Variants in KANK1 observed in about 807,000 individuals in gnomAD.
KANK1 encodes the protein KN motif and ankyrin repeat domain-containing protein 1.
In KANK1, 109 loss-of-function variants were observed where a neutral mutation model predicts 106.2. That is an observed-to-expected ratio of 1.03 (90% CI 0.88 to 1.20). The LOEUF (loss-of-function observed/expected upper bound fraction) is 1.20, where lower values mean the gene tolerates loss of function less well. KANK1 is among the 50% of genes most tolerant of loss of function. KANK1 has a pLI of 0.00. For synonymous variants in KANK1, 873 were observed against 652.2 expected, an observed-to-expected ratio of 1.34 and a Z score of -5.16; for missense variants, 2,399 against 1,710.7, an observed-to-expected ratio of 1.40 and a Z score of -7.10.
intron 2 of KANK1, chr9:680,856 C>G (rs1817412913): frequency 6.6e-6 from 1 of 152,338 alleles, no homozygotes. Flanking sequence ...CGTAGTGTTA[C>G]CTCTTTTTCA....
upstream of KANK1, among the ~76,000 whole-genome samples, chr9:500,578 T>C (rs566150623): frequency 6.6e-6 from 1 of 152,264 alleles, no homozygotes; most frequent in South Asian, 2.1e-4. Context: ...AGTGAAACTT[T>C]GTTTGCTCCA....
At chr9:741,000 A>C in intron 9 of KANK1, 66 bp downstream of exon 9, 2 of 1,574,338 alleles carry the variant, frequency 1.3e-6, no homozygotes, top group South Asian at 1.2e-5. Context: ...TGCGGTGGCC[A>C]TTCTGGCAGA....
upstream of KANK1, among the ~76,000 whole-genome samples, chr9:502,843 A>AT (rs767256624): frequency 6.4e-4 from 97 of 151,540 alleles, no homozygotes; most frequent in Middle Eastern, 3.5e-3. Context: ...CTATTTATTT[A>AT]TTTATTTTTG....
chr9:619,508 C>A (rs1249650960), intron 1 of KANK1, among the ~76,000 whole-genome samples: 5 of 152,112 alleles, frequency 3.3e-5, no homozygotes. Context: ...GAAGAGCCAA[C>A]ATTAGTTCAG....
Position 586,598 on chromosome 9 carries a change from A to G in KANK1, c.-84+81844A>G, listed in dbSNP as rs527933751. On this transcript the variant is annotated intron_variant, in intron 1 of 11. Transcript: ENST00000382297. Reference sequence around the variant, plus strand: ...CATTAACAGTTTTAGGAGAAAAGCCATGTGTGTGTTATGGAGTGGTCTGAG... The same window carrying G: ...CATTAACAGTTTTAGGAGAAAAGCCGTGTGTGTGTTATGGAGTGGTCTGAG... Among the ~76,000 whole-genome samples the G allele has an allele frequency of 1.6e-4, 25 of 152,300 alleles. 2 individuals are homozygous for G. The highest frequency in any genetic ancestry group is 4.8e-4 in the African/African-American group (20 of 41,566).
intron 2 of KANK1, among the ~76,000 whole-genome samples, chr9:678,933 C>A (rs895823681): frequency 6.6e-6 from 1 of 152,120 alleles, no homozygotes; most frequent in Non-Finnish European, 1.5e-5. Context: ...AAGACCTCAA[C>A]CTTCTTCTGG....
At chr9:703,163 TG>T (rs1381110886) in intron 2 of KANK1, among the ~76,000 whole-genome samples, 2 of 152,136 alleles carry the variant, frequency 1.3e-5, no homozygotes, top group Non-Finnish European at 2.9e-5. Context: ...AGCTAATTTT[TG>T]TATTTTCAGT....
At chr9:742,084 A>G (rs1835738207) in intron 9 of KANK1, 121 bp from the exon 10 acceptor site, 5 of 834,318 alleles carry the variant, frequency 6.0e-6, no homozygotes, top group Admixed American at 2.2e-5. Flanking sequence ...AAGTAGTTCC[A>G]TCGCCAGTTC....
At chr9:563,925 CT>C (rs984503626) in intron 1 of KANK1, among the ~76,000 whole-genome samples, 2 of 152,244 alleles carry the variant, frequency 1.3e-5, no homozygotes, top group South Asian at 2.1e-4. Flanking sequence ...ATCACTGGTG[CT>C]TTTTTTCTTT....
chr9:493,826 C>T (rs576368717), intron 3 of KANK1, among the ~76,000 whole-genome samples: 2 of 151,956 alleles, frequency 1.3e-5, no homozygotes, highest in South Asian at 4.2e-4. Context: ...GGATTACAGG[C>T]ATGAGCCACC....
intron 3 of KANK1, among the ~76,000 whole-genome samples, chr9:723,170 G>C (rs1193828827): frequency 6.6e-6 from 1 of 152,160 alleles, no homozygotes; most frequent in Non-Finnish European, 1.5e-5. Flanking sequence ...ACAGAGTGGA[G>C]GAGTAGCTGA....
intron 1 of KANK1, chr9:674,275 A>G (rs11791986): frequency 0.18 from 27,890 of 151,838 alleles, 3,413 homozygotes; most frequent in East Asian, 0.34. Flanking sequence ...GAAACTAAGG[A>G]TCAGCAGGGA....
At position 604,054 on chromosome 9, in the gene KANK1, T is replaced by C. The variant is rs547837640; in HGVS notation, c.-83-72836T>C. Among the ~76,000 whole-genome samples the C allele has an allele frequency of 2.6e-5, 4 of 151,472 alleles. No homozygotes were observed. The South Asian group carries it at 8.3e-4, about 31-fold the overall frequency. ...TTCACTTTATGTTTGGGGAGGAGAA[T>C]GGAGTGTCAGTGATTTCAGCAAAAA... On this transcript the variant is annotated intron_variant, in intron 1 of 11. Transcript: ENST00000382297.
At chr9:585,142 C>A (rs932932666) in intron 1 of KANK1, among the ~76,000 whole-genome samples, 2 of 152,202 alleles carry the variant, frequency 1.3e-5, no homozygotes, top group African/African-American at 4.8e-5. Context: ...TGTCTTCTTC[C>A]ATGTCCCTTG....
intron 2 of KANK1, chr9:686,942 G>T (rs1049856496): frequency 8.1e-6 from 8 of 984,868 alleles, no homozygotes; most frequent in Non-Finnish European, 9.6e-6. Flanking sequence ...CTTAGGGCTG[G>T]GGGCTTTTCC....
rs181280222 is a variant in KANK1 at position 485,209 on chromosome 9, A to G, written c.-362+11936A>G. ...TTCAGGCCTGGCCAATCAGAGCATC[A>G]CATTCCTCTGATCCAGTGATAGATA... is the stretch of plus-strand genomic sequence containing the variant. On this transcript the variant is annotated intron_variant, in intron 3 of 15. Transcript: ENST00000382303. Among the ~76,000 whole-genome samples the G allele has an allele frequency of 1.9e-3, 286 of 152,348 alleles. 2 individuals are homozygous for G. The highest frequency in any genetic ancestry group is 6.7e-3 in the African/African-American group (277 of 41,596).
At chr9:540,854 T>C (rs1243485067) in intron 1 of KANK1, among the ~76,000 whole-genome samples, 1 of 152,200 alleles carries the variant, frequency 6.6e-6, no homozygotes, top group African/African-American at 2.4e-5. Flanking sequence ...ATTTTTGTGG[T>C]ATCAATTGTA....
At chr9:709,229 GA>G (rs1260014170) in intron 2 of KANK1, among the ~76,000 whole-genome samples, 1 of 152,208 alleles carries the variant, frequency 6.6e-6, no homozygotes, top group Admixed American at 6.5e-5. Context: ...CTGAGAAGTG[GA>G]AAACACAAAA....
intron 1 of KANK1, among the ~76,000 whole-genome samples, chr9:539,309 A>G (rs1382948606): frequency 6.6e-6 from 1 of 152,210 alleles, no homozygotes; most frequent in African/African-American, 2.4e-5. Context: ...TTTAATAGGA[A>G]TAGTATTAAA....
Sources: allele counts gnomAD v4.1 joint callset (sites outside exome capture counted in the v4.1 genomes callset), GRCh38; gene constraint gnomAD v4.1.1; transcripts MANE v1.5; gene names NCBI Gene and HGNC (gene_info 2026-07-23, HGNC 2026-07-21).